Variants in FMO5 observed in about 807,000 individuals in gnomAD.
The protein encoded by FMO5 is flavin-containing monooxygenase 5.
A neutral mutation model predicts 43.6 loss-of-function variants in FMO5; 51 were observed. The ratio of observed to expected loss-of-function variants is 1.17; its 90% CI spans 0.93 to 1.48. The LOEUF (loss-of-function observed/expected upper bound fraction) is 1.48, where lower values mean the gene tolerates loss of function less well. FMO5 is among the 40% of genes most tolerant of loss of function. The pLI is 0.00. For missense variants in FMO5, 644 were observed against 643.0 expected (o/e 1.00, Z -0.02); for synonymous variants, 187 against 216.5 (o/e 0.86, Z 1.20).
At chr1:147,187,822 G>C (rs1262584033) in intron 8 of FMO5, among the ~76,000 whole-genome samples, 1 of 152,178 alleles carries the variant, frequency 6.6e-6, no homozygotes, top group Non-Finnish European at 1.5e-5. Context: ...GATTTAAAAG[G>C]GCTTTTTAAA....
intron 2 of FMO5, among the ~76,000 whole-genome samples, chr1:147,221,407 G>A (rs1553926248): frequency 6.6e-6 from 1 of 152,106 alleles, no homozygotes. Context: ...AATAAATTTT[G>A]TAAGTCTAAA....
chr1:147,210,565 G>A lies in FMO5; in HGVS notation c.631-1514C>T, dbSNP rs587618764. 4 of 152,260 alleles carry A rather than the reference G, an allele frequency of 2.6e-5. No individual in the cohort carries two copies. The East Asian group carries it at 5.8e-4, about 22-fold the overall frequency. 9.4% of individuals were successfully genotyped at this position (152,260 alleles called of 1,614,324 possible). On this transcript the variant is annotated intron_variant, in intron 5 of 8. Transcript: ENST00000254090. ...TACTTCCACAGTCACAGTTGAAAGAGCATATATGGTCTTAGAAACTGAACA... is the reference window on the plus strand; with the variant it reads ...TACTTCCACAGTCACAGTTGAAAGAACATATATGGTCTTAGAAACTGAACA...
chr1:147,187,565 AT>A (rs1447293797), intron 8 of FMO5, among the ~76,000 whole-genome samples: 1 of 152,190 alleles, frequency 6.6e-6, no homozygotes, highest in Non-Finnish European at 1.5e-5. Flanking sequence ...AGGGGCAGGT[AT>A]AGCACATCTA....
At chr1:147,218,427 C>CG (rs34069257) in intron 2 of FMO5, among the ~76,000 whole-genome samples, 90,029 of 151,650 alleles carry the variant, frequency 0.59, 28,800 homozygotes, top group East Asian at 0.87. Context: ...TTAGTAGAGA[C>CG]GGGTTTCACC....
intron 7 of FMO5, among the ~76,000 whole-genome samples, chr1:147,193,859 G>T (rs1270339700): frequency 4.6e-5 from 7 of 152,144 alleles, no homozygotes; most frequent in Non-Finnish European, 8.8e-5. Flanking sequence ...TCATTGCACT[G>T]TGGTCTGAGA....
In FMO5 at chr1:147,225,289, C is replaced by A. The variant is rs1463351529; in HGVS notation, c.-40G>T. On this transcript the variant is annotated splice_region_variant and 5_prime_UTR_variant, in exon 1 of 9. Coordinates refer to ENST00000254090, the MANE Select transcript of FMO5 (RefSeq NM_001461.4). The stretch of plus-strand genomic sequence containing the variant: ...TCTGCTGCGGTACCGGATCTCACCG[C>A]CTTTCCTGAAGCGCTCAACAGATCC... 2.4e-6 allele frequency: 2 copies of A among 834,676 alleles called. No homozygotes were observed. The highest frequency in any genetic ancestry group is 4.1e-4 in the Middle Eastern group (1 of 2,432). 51.7% of individuals were successfully genotyped at this position (834,676 alleles called of 1,614,324 possible).
intron 7 of FMO5, among the ~76,000 whole-genome samples, chr1:147,193,636 G>A (rs1657345327): frequency 6.6e-6 from 1 of 151,974 alleles, no homozygotes. Context: ...TTTCTCTTGT[G>A]GGCATTTAGT....
At chr1:147,191,109 G>A (rs1656686778) in intron 7 of FMO5, among the ~76,000 whole-genome samples, 1 of 152,130 alleles carries the variant, frequency 6.6e-6, no homozygotes, top group African/African-American at 2.4e-5. Flanking sequence ...TTGGTTCCAA[G>A]ACTTTGCTAT....
intron 7 of FMO5, among the ~76,000 whole-genome samples, chr1:147,196,486 GA>G (rs1455274259): frequency 6.6e-6 from 1 of 150,702 alleles, no homozygotes; most frequent in Non-Finnish European, 1.5e-5. Flanking sequence ...ATTCATAAAA[GA>G]AAGAAAAAAA....
chr1:147,197,036 G>T (rs2101793853), intron 7 of FMO5, among the ~76,000 whole-genome samples: 1 of 152,236 alleles, frequency 6.6e-6, no homozygotes, highest in South Asian at 2.1e-4. Flanking sequence ...TCCTCTTCCA[G>T]TTAAAATCCT....
At chr1:147,192,735 C>T (rs1441122840) in intron 7 of FMO5, among the ~76,000 whole-genome samples, 2 of 152,048 alleles carry the variant, frequency 1.3e-5, no homozygotes, top group Admixed American at 6.6e-5. Flanking sequence ...TTGTTGAATT[C>T]TGTCAAAGGC....
intron 7 of FMO5, among the ~76,000 whole-genome samples, chr1:147,192,088 A>G (rs1471854396): frequency 1.3e-5 from 2 of 152,088 alleles, no homozygotes; most frequent in Non-Finnish European, 2.9e-5. Flanking sequence ...TTTAATCTAT[A>G]AATTACCTTG....
At chr1:147,203,703 TG>T in intron 6 of FMO5, 1 of 1,506,920 alleles carries the variant, frequency 6.6e-7, no homozygotes, top group Non-Finnish European at 9.2e-7. Context: ...GCTCCACCTC[TG>T]GGTACAAGAC....
At chr1:147,205,877 C>T (rs1659918411) in intron 6 of FMO5, among the ~76,000 whole-genome samples, 2 of 152,118 alleles carry the variant, frequency 1.3e-5, no homozygotes, top group Admixed American at 6.5e-5. Flanking sequence ...ATGTCTAAAA[C>T]ACCAAAAGCC....
intron 6 of FMO5, among the ~76,000 whole-genome samples, chr1:147,205,501 ACT>A (rs782465030): frequency 9.9e-5 from 15 of 152,236 alleles, no homozygotes; most frequent in Non-Finnish European, 2.1e-4. Context: ...AAATTTAGAG[ACT>A]CTCTACAAAA....
At chr1:147,201,076 T>A in intron 7 of FMO5, 76 bp downstream of exon 7, 1 of 998,306 alleles carries the variant, frequency 1.0e-6, no homozygotes, top group East Asian at 2.4e-5. Flanking sequence ...TATCTCTAGC[T>A]ATTTAAAAAC....
intron 6 of FMO5, among the ~76,000 whole-genome samples, chr1:147,207,496 A>T (rs1296823712): frequency 6.6e-6 from 1 of 152,124 alleles, no homozygotes; most frequent in Non-Finnish European, 1.5e-5. Context: ...ATAACACTGT[A>T]TGTATTTCTT....
rs1553923887 is a variant in FMO5 at position 147,212,385 on chromosome 1, A to G, written c.630+8T>C. The G allele has an allele frequency of 2.5e-6, 4 of 1,613,898 alleles. No homozygotes were observed. Among genetic ancestry groups the G allele is most frequent in the Admixed American group, 3.3e-5 (2 of 59,994 alleles). On this transcript the variant is annotated splice_region_variant and intron_variant, in intron 5 of 8. Transcript: ENST00000254090. ...AAGCAACGTAAATAATAATTGAGTG[A>G]TTCAAACCTGCTTGGCTGTTTGGCT...
intron 6 of FMO5, chr1:147,204,314 T>C: frequency 1.0e-6 from 1 of 962,954 alleles, no homozygotes; most frequent in Non-Finnish European, 1.7e-6. Flanking sequence ...CAGCCCAGAA[T>C]TTTACAAACT....
Sources: gnomAD v4.1 joint callset for allele counts (sites outside exome capture counted in the v4.1 genomes callset) on GRCh38, gnomAD v4.1.1 for gene constraint, MANE v1.5 for transcripts, NCBI Gene and HGNC (gene_info 2026-07-23, HGNC 2026-07-21) for gene names.